RASAL2: variants seen among roughly 807,000 people sequenced by gnomAD.
RASAL2 encodes the protein RAS protein activator like 2, also known as ras GTPase-activating protein nGAP.
RASAL2 carries 58 observed loss-of-function variants against 128.9 expected under a neutral mutation model. The ratio of observed to expected loss-of-function variants is 0.45; its 90% CI spans 0.36 to 0.56. The LOEUF is 0.56. RASAL2 is among the 20% of genes least tolerant of loss of function. The probability of loss-of-function intolerance (pLI) is 0.00; values close to 1 mark genes in which losing one functional copy is unlikely to be tolerated. For synonymous variants in RASAL2, 561 were observed against 580.8 expected (o/e 0.97, Z 0.49); for missense variants, 1,360 against 1,601.6 (o/e 0.85, Z 2.57).
intron 1 of RASAL2, among the ~76,000 whole-genome samples, chr1:178,243,793 T>A (rs1002974706): frequency 8.5e-5 from 13 of 152,130 alleles, no homozygotes; most frequent in Non-Finnish European, 1.8e-4. Context: ...TTTTACAGAG[T>A]TCTTCTATGA....
chr1:178,373,284 T>TTTTTTTTTC (rs1015247249), intron 3 of RASAL2, among the ~76,000 whole-genome samples: 2 of 145,894 alleles, frequency 1.4e-5, no homozygotes, highest in African/African-American at 5.1e-5. Context: ...CTTTTTTTTT[T>TTTTTTTTTC]TTTTTGCAGT....
At chr1:178,283,838 C>A in intron 2 of RASAL2, 147 bp downstream of exon 2, 2 of 924,214 alleles carry the variant, frequency 2.2e-6, no homozygotes, top group Non-Finnish European at 3.2e-6. Flanking sequence ...CTGCTAATGT[C>A]ATAAAGATAT....
chr1:178,264,600 A>T (rs556828514), intron 1 of RASAL2, among the ~76,000 whole-genome samples: 1 of 152,316 alleles, frequency 6.6e-6, no homozygotes, highest in East Asian at 1.9e-4. Context: ...CATAGAGGAC[A>T]CAAATGAACA....
intron 1 of RASAL2, among the ~76,000 whole-genome samples, chr1:178,282,001 C>T (rs1666803920): frequency 6.6e-6 from 1 of 152,032 alleles, no homozygotes; most frequent in African/African-American, 2.4e-5. Flanking sequence ...GCAGTTCTAA[C>T]ATAAAATAAT....
chr1:178,461,094 G>A (rs1678164767), intron 14 of RASAL2, among the ~76,000 whole-genome samples: 1 of 152,182 alleles, frequency 6.6e-6, no homozygotes, highest in African/African-American at 2.4e-5. Context: ...GATTACAGGA[G>A]TGAGCCACCG....
At chr1:178,310,474 A>G (rs1197327320) in intron 3 of RASAL2, among the ~76,000 whole-genome samples, 1 of 152,206 alleles carries the variant, frequency 6.6e-6, no homozygotes, top group Non-Finnish European at 1.5e-5. Flanking sequence ...AATAAAATAA[A>G]AAAAAACTAG....
intron 1 of RASAL2, chr1:178,123,137 A>G (rs2102279590): frequency 6.6e-6 from 1 of 152,320 alleles, no homozygotes; most frequent in East Asian, 1.9e-4. Context: ...CTCACCAATC[A>G]GAATATCTGG....
rs150962251 is a variant in RASAL2 at position 178,330,022 on chromosome 1, T to C, written c.457+29904T>C. Among the ~76,000 whole-genome samples the C allele has an allele frequency of 4.6e-3, 704 of 152,298 alleles. 9 individuals are homozygous for C. The highest frequency in any genetic ancestry group is 0.023 in the South Asian group (111 of 4,820). Reference sequence around the variant, plus strand: ...AAGTTAATAATAAGTATACATTCAGTAAATTTTGGTTAATTATATTGTTGA... The same window carrying C: ...AAGTTAATAATAAGTATACATTCAGCAAATTTTGGTTAATTATATTGTTGA... On this transcript the variant is annotated intron_variant, in intron 3 of 17. Coordinates refer to ENST00000367649, the MANE Select transcript of RASAL2 (RefSeq NM_170692.4).
In RASAL2 at chr1:178,475,547, G is replaced by A. The variant is rs1648611568; in HGVS notation, c.*2308G>A. 6.6e-6 allele frequency: 1 copy of A among 152,214 alleles called. No homozygotes were observed. Among genetic ancestry groups the A allele is most frequent in the Admixed American group, 6.5e-5 (1 of 15,286 alleles). The allele number at this position is 152,214 out of a possible 1,614,324, so 9.4% of individuals were successfully genotyped here. Reference sequence around the variant, plus strand: ...GAATTGTCAGTTTCATTGGCCATAAGTATGTAATGTGGGTGATGTCTTGCC... The same window carrying A: ...GAATTGTCAGTTTCATTGGCCATAAATATGTAATGTGGGTGATGTCTTGCC... On this transcript the variant is annotated 3_prime_UTR_variant, in exon 18 of 18. Transcript: ENST00000367649.
intron 4 of RASAL2, among the ~76,000 whole-genome samples, chr1:178,397,809 C>A (rs1673343259): frequency 6.7e-6 from 1 of 149,542 alleles, no homozygotes; most frequent in South Asian, 2.1e-4. Flanking sequence ...GAGATGGGAT[C>A]TTGCTTATGT....
At chr1:178,438,881 C>CTCTGTGTGTGTGTGTGTG (rs1239809916) in intron 5 of RASAL2, among the ~76,000 whole-genome samples, 22 of 129,392 alleles carry the variant, frequency 1.7e-4, no homozygotes, top group African/African-American at 5.8e-4. Flanking sequence ...AGCTTCGACT[C>CTCTGTGTGTGTGTGTGTG]TGTGTGTGTG....
intron 5 of RASAL2, among the ~76,000 whole-genome samples, chr1:178,425,180 C>T (rs1205823590): frequency 1.3e-5 from 2 of 151,948 alleles, no homozygotes; most frequent in Non-Finnish European, 2.9e-5. Context: ...GACACGCACA[C>T]AGAACTTTCC....
intron 8 of RASAL2, among the ~76,000 whole-genome samples, chr1:178,445,219 T>A (rs933758425): frequency 6.6e-6 from 1 of 151,210 alleles, no homozygotes; most frequent in African/African-American, 2.4e-5. Flanking sequence ...TTAAAGGACC[T>A]AAAAAGAAAA....
At chr1:178,385,565 A>G (rs1436703587) in intron 3 of RASAL2, among the ~76,000 whole-genome samples, 1 of 152,046 alleles carries the variant, frequency 6.6e-6, no homozygotes, top group Admixed American at 6.5e-5. Context: ...AAAAGTCCTT[A>G]CAAGAGAAGA....
chr1:178,196,254 C>T (rs1662654855), intron 1 of RASAL2, among the ~76,000 whole-genome samples: 1 of 151,762 alleles, frequency 6.6e-6, no homozygotes, highest in Non-Finnish European at 1.5e-5. Flanking sequence ...AATTTGGGGG[C>T]CATTCATATT....
intron 1 of RASAL2, among the ~76,000 whole-genome samples, chr1:178,212,977 A>G (rs1027157586): frequency 6.6e-6 from 1 of 152,224 alleles, no homozygotes; most frequent in Non-Finnish European, 1.5e-5. Context: ...TCTTTCTCCA[A>G]GATGGTTTAA....
chr1:178,243,502 G>T (rs962396931), intron 1 of RASAL2, among the ~76,000 whole-genome samples: 1 of 151,554 alleles, frequency 6.6e-6, no homozygotes, highest in Non-Finnish European at 1.5e-5. Context: ...GGGAGTCCCA[G>T]ATCTGGAGGG....
intron 1 of RASAL2, among the ~76,000 whole-genome samples, chr1:178,132,292 A>G (rs1660150718): frequency 6.6e-6 from 1 of 151,940 alleles, no homozygotes. Context: ...CTTGGGCTCA[A>G]GTGATTCTCC....
chr1:178,426,124 C>A (rs1223449342), intron 5 of RASAL2, among the ~76,000 whole-genome samples: 1 of 151,992 alleles, frequency 6.6e-6, no homozygotes. Context: ...CTATTAAAAT[C>A]CCAGCTGATA....
Sources: allele counts gnomAD v4.1 joint callset (sites outside exome capture counted in the v4.1 genomes callset), GRCh38; gene constraint gnomAD v4.1.1; transcripts MANE v1.5; gene names NCBI Gene and HGNC (gene_info 2026-07-23, HGNC 2026-07-21).